Variants in KSR2 observed in about 807,000 individuals in gnomAD.
KSR2 encodes kinase suppressor of ras 2.
A neutral mutation model predicts 107.8 loss-of-function variants in KSR2; 25 were observed. The observed-to-expected ratio is 0.23, with a 90% CI of 0.17 to 0.32. KSR2 has a LOEUF of 0.32. KSR2 is among the 10% of genes least tolerant of loss of function. The pLI is 1.00. For missense variants in KSR2, 887 were observed against 1,268.9 expected, an observed-to-expected ratio of 0.70 and a Z score of 4.57; for synonymous variants, 480 against 507.0, an observed-to-expected ratio of 0.95 and a Z score of 0.71.
At chr12:117,961,254 T>C (rs1896649794) in intron 1 of KSR2, among the ~76,000 whole-genome samples, 1 of 152,166 alleles carries the variant, frequency 6.6e-6, no homozygotes, top group South Asian at 2.1e-4. Context: ...TTTCTCCCCC[T>C]TCTAGATGCA....
intron 3 of KSR2, among the ~76,000 whole-genome samples, chr12:117,769,769 T>C (rs903820416): frequency 1.3e-5 from 2 of 152,148 alleles, no homozygotes; most frequent in Admixed American, 6.5e-5. Flanking sequence ...AATCATCCAG[T>C]CCTGCCAGGT....
intron 4 of KSR2, among the ~76,000 whole-genome samples, chr12:117,695,220 C>A (rs1413760655): frequency 6.6e-6 from 1 of 151,938 alleles, no homozygotes. Context: ...TGATGGTTGG[C>A]CAAGGCTGGG....
In KSR2 at chr12:117,454,191, C is replaced by A. The variant is rs973691930; in HGVS notation, c.*13008G>T. 6.6e-6 allele frequency: 1 copy of A among 152,182 alleles called. No homozygotes were observed. Among genetic ancestry groups the A allele is most frequent in the Non-Finnish European group, 1.5e-5 (1 of 68,042 alleles). 9.4% of individuals were successfully genotyped at this position (152,182 alleles called of 1,614,324 possible). The stretch of plus-strand genomic sequence containing the variant: ...GGTATTGCGTAACGTTATTGACATT[C>A]ATTATTTCATTCACTCCCTCCAATA... On this transcript the variant is annotated 3_prime_UTR_variant, in exon 20 of 20. Transcript: ENST00000339824.
rs1359547328 is a variant in KSR2 at position 117,578,472 on chromosome 12, C to A, written c.1325+647G>T. Among the ~76,000 whole-genome samples the A allele has an allele frequency of 3.3e-5, 5 of 151,912 alleles. No individual in the cohort carries two copies. The East Asian group carries it at 9.7e-4, about 29-fold the overall frequency. ...ACAACAAAAAGCCAGCATGGTGGCA[C>A]AGGCCTGTAGTCCCAGCTACTCAGG... On this transcript the variant is annotated intron_variant, in intron 7 of 19. Coordinates refer to ENST00000339824, the MANE Select transcript of KSR2 (RefSeq NM_173598.6).
chr12:117,736,825 A>AG (rs200896908), intron 4 of KSR2, among the ~76,000 whole-genome samples: 20,215 of 150,376 alleles, frequency 0.13, 1,459 homozygotes, highest in Middle Eastern at 0.19. Context: ...AAAAAAAAAA[A>AG]AAGAAAAGAA....
intron 14 of KSR2, among the ~76,000 whole-genome samples, chr12:117,519,287 C>T (rs755780316): frequency 6.6e-6 from 1 of 152,158 alleles, no homozygotes; most frequent in Non-Finnish European, 1.5e-5. Context: ...AAGCTCTTGG[C>T]AGTTGTAAAG....
intron 7 of KSR2, among the ~76,000 whole-genome samples, chr12:117,574,593 G>A (rs527527267): frequency 4.6e-5 from 7 of 152,240 alleles, no homozygotes; most frequent in Non-Finnish European, 8.8e-5. Flanking sequence ...TGCAGGAAAT[G>A]GCCACCATGA....
At chr12:117,473,568 CT>C (rs1234152201) in intron 17 of KSR2, among the ~76,000 whole-genome samples, 2 of 152,180 alleles carry the variant, frequency 1.3e-5, no homozygotes, top group African/African-American at 4.8e-5. Context: ...GAGCTTGTGG[CT>C]GGCGATTGGA....
intron 5 of KSR2, among the ~76,000 whole-genome samples, chr12:117,658,113 T>A (rs928823608): frequency 6.6e-6 from 1 of 152,166 alleles, no homozygotes; most frequent in African/African-American, 2.4e-5. Context: ...AGTGAAGGAA[T>A]TCATGTGACG....
At chr12:117,545,012 T>G (rs1423955590) in intron 9 of KSR2, among the ~76,000 whole-genome samples, 4 of 152,212 alleles carry the variant, frequency 2.6e-5, no homozygotes, top group Non-Finnish European at 5.9e-5. Flanking sequence ...CATTTTTACT[T>G]TTCTGATTTC....
chr12:117,580,144 G>T (rs780051595), intron 6 of KSR2, among the ~76,000 whole-genome samples: 1 of 152,148 alleles, frequency 6.6e-6, no homozygotes, highest in Admixed American at 6.5e-5. Flanking sequence ...CGAGGGAAAG[G>T]TTGCATCCCT....
chr12:117,936,527 TTATTATTAGTAGTAGTAG>T (rs1312791307), intron 1 of KSR2, among the ~76,000 whole-genome samples: 25 of 119,596 alleles, frequency 2.1e-4, no homozygotes, highest in African/African-American at 7.5e-4. Flanking sequence ...ATTATTATTA[TTATTATTAGTAGTAGTAG>T]TAGTAGTAGT....
At chr12:117,577,389 A>G (rs1879350649) in intron 7 of KSR2, among the ~76,000 whole-genome samples, 1 of 152,142 alleles carries the variant, frequency 6.6e-6, no homozygotes, top group African/African-American at 2.4e-5. Flanking sequence ...TTGAGGCCAG[A>G]TAGCAAGGCA....
intron 14 of KSR2, among the ~76,000 whole-genome samples, chr12:117,489,385 A>G (rs1381578146): frequency 1.3e-5 from 2 of 152,068 alleles, no homozygotes; most frequent in Non-Finnish European, 2.9e-5. Context: ...TCTACAAAGG[A>G]TACACAAAAA....
intron 1 of KSR2, among the ~76,000 whole-genome samples, chr12:117,906,776 T>C (rs36097187): frequency 6.6e-6 from 1 of 152,182 alleles, no homozygotes; most frequent in South Asian, 2.1e-4. Flanking sequence ...CCGGGCATGG[T>C]GGCTCATGCC....
At chr12:117,583,813 C>A (rs1338336850) in intron 5 of KSR2, among the ~76,000 whole-genome samples, 1 of 152,090 alleles carries the variant, frequency 6.6e-6, no homozygotes, top group Non-Finnish European at 1.5e-5. Flanking sequence ...AGAGAAGAAG[C>A]AAGTGCCTGA....
chr12:117,487,399 T>G (rs1014154370), intron 14 of KSR2, among the ~76,000 whole-genome samples: 12 of 152,204 alleles, frequency 7.9e-5, no homozygotes, highest in Non-Finnish European at 1.8e-4. Context: ...CTGATTCACA[T>G]GTCTGAGGAG....
At chr12:117,757,479 G>A (rs964489289) in intron 4 of KSR2, among the ~76,000 whole-genome samples, 4 of 152,206 alleles carry the variant, frequency 2.6e-5, no homozygotes, top group Non-Finnish European at 5.9e-5. Flanking sequence ...GGTTTGAGAG[G>A]ATCGACTCTA....
chr12:117,554,331 G>C (rs1317068648), intron 9 of KSR2, among the ~76,000 whole-genome samples: 2 of 152,122 alleles, frequency 1.3e-5, no homozygotes, highest in Non-Finnish European at 2.9e-5. Flanking sequence ...ATTGCCTGTT[G>C]CTCAGAGCTC....
Sources: allele counts gnomAD v4.1 joint callset (sites outside exome capture counted in the v4.1 genomes callset), GRCh38; gene constraint gnomAD v4.1.1; transcripts MANE v1.5; gene names NCBI Gene and HGNC (gene_info 2026-07-23, HGNC 2026-07-21).